CHD3: variants seen among roughly 807,000 people sequenced by gnomAD.
CHD3 encodes ATP-dependent chromatin remodeler CHD3.
CHD3 carries 52 observed loss-of-function variants against 248.9 expected under a neutral mutation model. The ratio of observed to expected loss-of-function variants is 0.21; its 90% CI spans 0.17 to 0.26. CHD3 has a LOEUF of 0.26. CHD3 is among the 10% of genes least tolerant of loss of function. The pLI is 1.00. For missense variants in CHD3, 1,482 were observed against 2,605.8 expected (o/e 0.57, Z 9.39); for synonymous variants, 985 against 985.2 (o/e 1.00, Z 0.00).
rs1387481525 is a variant in CHD3, at chr17:7,906,307, G to A, written c.4359-246G>A. 1.5e-6 allele frequency: 1 copy of A among 679,010 alleles called. No homozygotes were observed. The highest frequency in any genetic ancestry group is 1.8e-5 in the African/African-American group (1 of 56,238). 42.1% of individuals were successfully genotyped at this position (679,010 alleles called of 1,614,324 possible). Reference sequence around the variant, plus strand: ...AGGAGGAGCTGGTGGAAAGGATGAAGAGCTGACTGATGGGGCCCAGGAATT... The same window carrying A: ...AGGAGGAGCTGGTGGAAAGGATGAAAAGCTGACTGATGGGGCCCAGGAATT... On this transcript the variant is annotated intron_variant, in intron 28 of 39. Coordinates refer to ENST00000330494, the MANE Select transcript of CHD3 (RefSeq NM_001005273.3). The surrounding 1 kb of genome is among the most constrained non-coding windows in gnomAD (Gnocchi z 5.0).
upstream of CHD3, among the ~76,000 whole-genome samples, chr17:7,885,487 A>C (rs1477060064): frequency 2.0e-5 from 3 of 150,438 alleles, no homozygotes; most frequent in East Asian, 5.9e-4. Flanking sequence ...AGGCGAAGCC[A>C]GGGCCCCCTC....
Position 7,897,110 on chromosome 17 carries a change from C to T in CHD3, c.1735C>T (p.Arg579Ter), listed in dbSNP as rs1426104891. ...GGAAATCTTCCATTTGGTTATGTAT[C>T]GAAACTACCAGCGGAAGAATGACAT... ...QLEIFHLVMY[R>*]NYQRKNDMDE... Residue 579 changes from arginine to a stop codon, truncating the protein, a stop_gained, in exon 11 of 40, where the codon CGA becomes TGA. Coordinates refer to ENST00000330494, the MANE Select transcript of CHD3 (RefSeq NM_001005273.3). LOFTEE classifies it high-confidence loss of function. This position sits in a 1 kb window ranked among gnomAD's most constrained non-coding sequence, Gnocchi z 4.8. 1 of 1,614,024 alleles carries T rather than the reference C, an allele frequency of 6.2e-7. No homozygotes were observed.
upstream of CHD3, chr17:7,885,342 C>CGCCGCCGCCGCCGCCGCCGCA (rs1967711068): frequency 1.1e-5 from 2 of 181,054 alleles, no homozygotes; most frequent in African/African-American, 2.4e-5. Context: ...CCGCCGCCGC[C>CGCCGCCGCCGCCGCCGCCGCA]GCCACCCCGG....
rs1419153614 is a variant in CHD3, at chr17:7,911,853, C to G, written c.*268C>G. 1.3e-5 allele frequency: 12 copies of G among 919,232 alleles called. No homozygotes were observed. Among genetic ancestry groups the G allele is most frequent in the Middle Eastern group, 3.8e-4 (1 of 2,654 alleles). The allele number at this position is 919,232 out of a possible 1,614,324, so 56.9% of individuals were successfully genotyped here. ...GATGGCTGGCAGGGTCTTCCAAGTA[C>G]CTTCCTCCCACACTGCCAAGTATAC... On this transcript the variant is annotated 3_prime_UTR_variant, in exon 40 of 40. Coordinates refer to ENST00000330494, the MANE Select transcript of CHD3 (RefSeq NM_001005273.3). The surrounding 1 kb of genome is among the most constrained non-coding windows in gnomAD (Gnocchi z 5.4).
intron 8 of CHD3, 57 bp downstream of exon 8, chr17:7,894,665 C>T (rs1359849051): frequency 4.5e-6 from 7 of 1,553,564 alleles, no homozygotes; most frequent in Non-Finnish European, 6.1e-6. Context: ...TCTCTTTCCC[C>T]CTTGGTTTCA....
chr17:7,906,140 G>C lies in CHD3; in HGVS notation c.4358+151G>C. 1 of 1,251,698 alleles carries C rather than the reference G, an allele frequency of 8.0e-7. No homozygotes were observed. The highest frequency in any genetic ancestry group is 1.2e-6 in the Non-Finnish European group (1 of 863,322). The allele number at this position is 1,251,698 out of a possible 1,614,324, so 77.5% of individuals were successfully genotyped here. A position where few individuals can be genotyped will look rare whatever the true frequency, so the allele number is the denominator to read the frequency against. ...TACTTCCTGGCTCGATTTCCTGGGG[G>C]GTGGTCTCAGCCCACTCCACCTCCC... On this transcript the variant is annotated intron_variant, in intron 28 of 39. Coordinates refer to ENST00000330494, the MANE Select transcript of CHD3 (RefSeq NM_001005273.3). This position sits in a 1 kb window ranked among gnomAD's most constrained non-coding sequence, Gnocchi z 5.0.
At chr17:7,885,325 G>C (rs1421661391), upstream of CHD3, 154 of 172,346 alleles carry the variant, frequency 8.9e-4, no homozygotes, top group Non-Finnish European at 1.4e-3. Context: ...CGCCGCCGCC[G>C]CCGCCGCCGC....
upstream of CHD3, among the ~76,000 whole-genome samples, chr17:7,885,968 C>T (rs1438306356): frequency 6.6e-6 from 1 of 152,196 alleles, no homozygotes; most frequent in Non-Finnish European, 1.5e-5. Context: ...CCCGGCTCCA[C>T]CCCCTTCATC....
Position 7,909,561 on chromosome 17 carries a change from G to A in CHD3, c.5590+223G>A. The A allele has an allele frequency of 4.7e-6, 3 of 633,648 alleles. No individual in the cohort carries two copies. The highest frequency in any genetic ancestry group is 7.9e-6 in the Non-Finnish European group (3 of 381,674). The allele number at this position is 633,648 out of a possible 1,614,324, so 39.3% of individuals were successfully genotyped here. ...CATGTCTGATAGCATTCACATCCGTGCCCAATAGAGGGACCTGCCCCAGCC... is the reference window on the plus strand; with the variant it reads ...CATGTCTGATAGCATTCACATCCGTACCCAATAGAGGGACCTGCCCCAGCC... On this transcript the variant is annotated intron_variant, in intron 37 of 39. Transcript: ENST00000330494. This position sits in a 1 kb window ranked among gnomAD's most constrained non-coding sequence, Gnocchi z 8.1.
chr17:7,891,754 G>T (rs1233463053), intron 4 of CHD3, among the ~76,000 whole-genome samples: 4 of 151,954 alleles, frequency 2.6e-5, no homozygotes, highest in Non-Finnish European at 5.9e-5. Context: ...CCAGCTACTC[G>T]GGAGGCTAAG....
intron 21 of CHD3, 64 bp from the exon 22 acceptor site, chr17:7,902,873 T>A (rs1970478644): frequency 6.3e-7 from 1 of 1,599,706 alleles, no homozygotes; most frequent in South Asian, 1.1e-5. Flanking sequence ...TCAGAGAACA[T>A]CTAGGAGCAG....
intron 20 of CHD3, among the ~76,000 whole-genome samples, chr17:7,902,036 G>A (rs1567859059): frequency 6.6e-6 from 1 of 152,116 alleles, no homozygotes; most frequent in African/African-American, 2.4e-5. Context: ...AATTTTGTAC[G>A]GATTTTCAGG....
At position 7,903,140 on chromosome 17, in the gene CHD3, G is replaced by T; in HGVS notation, c.3495+79G>T. 6.3e-7 allele frequency: 1 copy of T among 1,579,440 alleles called. No homozygotes were observed. Among genetic ancestry groups the T allele is most frequent in the African/African-American group, 1.3e-5 (1 of 74,196 alleles). On this transcript the variant is annotated intron_variant, in intron 22 of 39. Coordinates refer to ENST00000330494, the MANE Select transcript of CHD3 (RefSeq NM_001005273.3). This position sits in a 1 kb window ranked among gnomAD's most constrained non-coding sequence, Gnocchi z 6.8. The stretch of plus-strand genomic sequence containing the variant: ...CATGGAGGAGGGTGTCATGTTCCGG[G>T]GTCAGAAATAAATCTCTTCTGGGAG...
Position 7,909,037 on chromosome 17 carries a change from G to T in CHD3, c.5395-106G>T. The stretch of plus-strand genomic sequence containing the variant: ...GTCGGTTTGGAGCTGGGAGTGCCCT[G>T]GGCCAGCAGTGAGGGCAGGGTGGGT... On this transcript the variant is annotated intron_variant, in intron 36 of 39. Coordinates refer to ENST00000330494, the MANE Select transcript of CHD3 (RefSeq NM_001005273.3). This position sits in a 1 kb window ranked among gnomAD's most constrained non-coding sequence, Gnocchi z 8.1. The T allele has an allele frequency of 6.8e-7, 1 of 1,469,684 alleles. No individual in the cohort carries two copies. The highest frequency in any genetic ancestry group is 1.3e-5 in the South Asian group (1 of 78,670). The allele number at this position is 1,469,684 out of a possible 1,614,324, so 91.0% of individuals were successfully genotyped here. A position where few individuals can be genotyped will look rare whatever the true frequency, so the allele number is the denominator to read the frequency against.
In CHD3 at chr17:7,906,500, CT is replaced by C. The variant is rs1182617527; in HGVS notation, c.4359-52del. 6.2e-7 allele frequency: 1 copy of C among 1,602,988 alleles called. No individual in the cohort carries two copies. The highest frequency in any genetic ancestry group is 1.3e-5 in the African/African-American group (1 of 74,534). On this transcript the variant is annotated intron_variant, in intron 28 of 39. Coordinates refer to ENST00000330494, the MANE Select transcript of CHD3 (RefSeq NM_001005273.3). This position sits in a 1 kb window ranked among gnomAD's most constrained non-coding sequence, Gnocchi z 5.0. ...TCATCCTCGCGCCTCCCTCACTGCC[CT>C]ATACCCCTTCTGTGGCTCCCCTAAC...
Position 7,907,827 on chromosome 17 carries a change from ATAG to A in CHD3, c.5027-62_5027-60del. The A allele has an allele frequency of 6.4e-7, 1 of 1,568,808 alleles. No homozygotes were observed. The highest frequency in any genetic ancestry group is 2.3e-5 in the East Asian group (1 of 43,888). ...GAAAGGCCAGTACAGTACAGTACAG[ATAG>A]TAGTCTTGGGACCTGGGAGGAGGGT... On this transcript the variant is annotated intron_variant, in intron 33 of 39. Transcript: ENST00000330494. This position sits in a 1 kb window ranked among gnomAD's most constrained non-coding sequence, Gnocchi z 4.3.
Position 7,903,881 on chromosome 17 carries a change from C to T in CHD3, c.3784C>T (p.Arg1262Trp), listed in dbSNP as rs777268578. The T allele has an allele frequency of 1.7e-5, 27 of 1,614,012 alleles. No homozygotes were observed. The highest frequency in any genetic ancestry group is 2.1e-5 in the Non-Finnish European group (25 of 1,180,034). ...TCATTATGACAATGAGGCCATCGCT[C>T]GGCTGTTGGACCGGAACCAGGATGC... ...VIHYDNEAIARLLDRNQDATE... is the reference protein window; with the variant it reads ...VIHYDNEAIAWLLDRNQDATE... Residue 1262 changes from arginine to tryptophan, a missense_variant, in exon 24 of 40, where the codon CGG becomes TGG. Arg to Trp is a moderately radical substitution (Grantham distance 101). Transcript: ENST00000330494. This position sits in a 1 kb window ranked among gnomAD's most constrained non-coding sequence, Gnocchi z 6.8.
upstream of CHD3, among the ~76,000 whole-genome samples, chr17:7,886,279 T>C (rs1476629208): frequency 6.6e-6 from 1 of 152,232 alleles, no homozygotes; most frequent in Non-Finnish European, 1.5e-5. This position sits in a 1 kb window ranked among gnomAD's most constrained non-coding sequence, Gnocchi z 4.2. Flanking sequence ...CGCCCAGCGG[T>C]GTCCCCCTCA....
chr17:7,892,308 T>C (rs993182621), intron 4 of CHD3, among the ~76,000 whole-genome samples: 3 of 152,164 alleles, frequency 2.0e-5, no homozygotes, highest in African/African-American at 7.2e-5. Context: ...TCAGGGCCCA[T>C]GGAACTTACT....
Sources: allele counts gnomAD v4.1 joint callset (sites outside exome capture counted in the v4.1 genomes callset), GRCh38; gene constraint gnomAD v4.1.1; non-coding constraint Gnocchi (gnomAD v3.1); transcripts MANE v1.5; gene names NCBI Gene and HGNC (gene_info 2026-07-23, HGNC 2026-07-21).